Variants in PIR observed in about 807,000 individuals in gnomAD.
The protein encoded by PIR is pirin (iron-binding nuclear protein).
A neutral mutation model predicts 24.2 loss-of-function variants in PIR; 22 were observed. The ratio of observed to expected loss-of-function variants is 0.91; its 90% CI spans 0.65 to 1.30. The LOEUF (loss-of-function observed/expected upper bound fraction) is 1.30, where lower values mean the gene tolerates loss of function less well. Among genes scored for constraint, PIR ranks in the 50% most tolerant of loss-of-function variants. The probability of loss-of-function intolerance (pLI) is 0.00; values close to 1 mark genes in which losing one functional copy is unlikely to be tolerated. For synonymous variants in PIR, 80 were observed against 79.6 expected (o/e 1.00, Z -0.03); for missense variants, 220 against 220.3 (o/e 1.00, Z 0.01).
intron 8 of PIR, among the ~76,000 whole-genome samples, chrX:15,393,310 T>C (rs1346361208): frequency 8.9e-6 from 1 of 112,328 alleles, no homozygotes; most frequent in African/African-American, 3.2e-5. Flanking sequence ...ATACCAACAA[T>C]AAATGATCAA....
At chrX:15,462,621 T>C (rs1286895856) in intron 3 of PIR, among the ~76,000 whole-genome samples, 16 of 112,503 alleles carry the variant, frequency 1.4e-4, no homozygotes, top group Non-Finnish European at 5.6e-5. Flanking sequence ...TTTTGTCGTC[T>C]ATGTTTTTGC....
At chrX:15,413,860 A>G (rs1479977317) in intron 6 of PIR, among the ~76,000 whole-genome samples, 3 of 112,107 alleles carry the variant, frequency 2.7e-5, no homozygotes. Context: ...CCATGGGCAT[A>G]TAACATTAAG....
intron 5 of PIR, among the ~76,000 whole-genome samples, chrX:15,426,767 G>A (rs1168368956): frequency 1.8e-5 from 2 of 112,141 alleles, no homozygotes; most frequent in Non-Finnish European, 3.8e-5. Flanking sequence ...TGTAGTAACT[G>A]TAATTTTCAT....
chrX:15,465,024 AT>A lies in PIR; in HGVS notation c.190-5285del, dbSNP rs112410159. Reference sequence around the variant, plus strand: ...ATGAAAAATCTAAGTGGACATCAAGATTTTTTTTTCCAAATTTGATTTTAGG... The same window carrying A: ...ATGAAAAATCTAAGTGGACATCAAGATTTTTTTTCCAAATTTGATTTTAGG... On this transcript the variant is annotated intron_variant, in intron 3 of 9. Transcript: ENST00000380420. Among the ~76,000 whole-genome samples the A allele has an allele frequency of 6.7e-3, 740 of 110,028 alleles. 8 individuals carry two copies. Among genetic ancestry groups the A allele is most frequent in the African/African-American group, 0.023 (688 of 29,578 alleles).
intron 7 of PIR, among the ~76,000 whole-genome samples, chrX:15,405,137 T>G (rs1924515759): frequency 8.9e-6 from 1 of 111,782 alleles, no homozygotes; most frequent in Admixed American, 9.5e-5. Context: ...AGGCTCTAAC[T>G]ACTGCTTAAA....
At chrX:15,439,610 GGAAAA>G (rs1483845220) in intron 5 of PIR, among the ~76,000 whole-genome samples, 1 of 111,503 alleles carries the variant, frequency 9.0e-6, no homozygotes, top group African/African-American at 3.3e-5. Context: ...AGGGAATGTG[GGAAAA>G]GAAAAGATAG....
In PIR at chrX:15,386,760, GA is replaced by G. The variant is rs780141292; in HGVS notation, c.761-1645del. On this transcript the variant is annotated intron_variant, in intron 9 of 9. Transcript: ENST00000380420. Reference sequence around the variant, plus strand: ...GTGGTGGAAGGAGGGATCAAAGGCGGAAAAAATGGCGATCTGAAATATAGGA... The same window carrying G: ...GTGGTGGAAGGAGGGATCAAAGGCGGAAAAATGGCGATCTGAAATATAGGA... Among the ~76,000 whole-genome samples the G allele has an allele frequency of 3.6e-5, 4 of 110,646 alleles. No homozygotes were observed. The East Asian group carries it at 1.1e-3, about 32-fold the overall frequency.
At chrX:15,437,038 C>T (rs1019865093) in intron 5 of PIR, among the ~76,000 whole-genome samples, 5 of 111,871 alleles carry the variant, frequency 4.5e-5, no homozygotes, top group African/African-American at 1.6e-4. Context: ...AAGGCATTCC[C>T]TAACTGGAGA....
At chrX:15,412,941 A>G (rs1388850668) in intron 6 of PIR, among the ~76,000 whole-genome samples, 1 of 111,998 alleles carries the variant, frequency 8.9e-6, no homozygotes, top group Non-Finnish European at 1.9e-5. Context: ...TCATCTCTTC[A>G]AGCCTCTTTG....
intron 5 of PIR, among the ~76,000 whole-genome samples, chrX:15,441,405 T>G (rs2147047077): frequency 9.0e-6 from 1 of 111,672 alleles, no homozygotes; most frequent in East Asian, 2.8e-4. Context: ...GGTGTGAATT[T>G]AACAAAAAAC....
chrX:15,442,522 C>G (rs1261483633), intron 5 of PIR, among the ~76,000 whole-genome samples: 2 of 111,820 alleles, frequency 1.8e-5, no homozygotes, highest in Admixed American at 1.9e-4. Context: ...GTGAGGAAGG[C>G]ATGTCAAAAG....
chrX:15,401,599 TA>T (rs1473488190), intron 7 of PIR, among the ~76,000 whole-genome samples: 2 of 111,948 alleles, frequency 1.8e-5, no homozygotes, highest in Non-Finnish European at 3.8e-5. Flanking sequence ...CTTTCAATGA[TA>T]AATAGAGCCA....
In PIR at chrX:15,479,805, G is replaced by T; in HGVS notation, c.113C>A (p.Pro38Gln). The T allele has an allele frequency of 1.7e-6, 2 of 1,151,497 alleles. No homozygotes were observed. The highest frequency in any genetic ancestry group is 3.0e-5 in the East Asian group (1 of 33,085). The allele number at this position is 1,151,497 out of a possible 1,213,427, so 94.9% of individuals were successfully genotyped here. ...IGRPELKNLD[P>Q]FLLFDEFKGG... ...TTTAAATTCATCAAACAGTAAAAAC[G>T]GATCCAGATTTTTTAACTGAAATAA... The change falls in exon 3 of 10, where the codon CCG becomes CAG. Residue 38 changes from proline to glutamine, a missense_variant. Physicochemically the swap from Pro to Gln is moderately conservative, Grantham distance 76. Transcript: ENST00000380420.
intron 6 of PIR, among the ~76,000 whole-genome samples, chrX:15,416,332 T>C (rs1319908394): frequency 8.9e-6 from 1 of 112,145 alleles, no homozygotes; most frequent in Non-Finnish European, 1.9e-5. Flanking sequence ...TGTAAAATTC[T>C]ACATGAATCA....
intron 6 of PIR, among the ~76,000 whole-genome samples, chrX:15,411,410 C>T (rs772792862): frequency 2.7e-5 from 3 of 111,864 alleles, no homozygotes; most frequent in African/African-American, 9.7e-5. Flanking sequence ...CTTTCCTCAG[C>T]CTACATTCCT....
chrX:15,426,329 T>C (rs907485501), intron 5 of PIR, among the ~76,000 whole-genome samples: 8 of 112,026 alleles, frequency 7.1e-5, no homozygotes, highest in African/African-American at 2.6e-4. Context: ...ATATGGCAGG[T>C]TATCTCACAA....
At chrX:15,469,289 A>G (rs1451975409) in intron 3 of PIR, among the ~76,000 whole-genome samples, 1 of 112,041 alleles carries the variant, frequency 8.9e-6, no homozygotes, top group Non-Finnish European at 1.9e-5. Flanking sequence ...ATTTATCTCT[A>G]GGAAAAGGCC....
chrX:15,435,245 GAAA>G (rs1322781632), intron 5 of PIR, among the ~76,000 whole-genome samples: 1 of 98,835 alleles, frequency 1.0e-5, no homozygotes, highest in East Asian at 4.0e-4. Flanking sequence ...AAAGAAGAAA[GAAA>G]GAAAGAAAAG....
chrX:15,431,688 C>G (rs1397976923), intron 5 of PIR, among the ~76,000 whole-genome samples: 1 of 97,854 alleles, frequency 1.0e-5, no homozygotes, highest in Non-Finnish European at 2.0e-5. Flanking sequence ...CCCCGAAAAC[C>G]TTTGGAAAAT....
Sources: gnomAD v4.1 joint callset for allele counts (sites outside exome capture counted in the v4.1 genomes callset) on GRCh38, gnomAD v4.1.1 for gene constraint, MANE v1.5 for transcripts, NCBI Gene and HGNC (gene_info 2026-07-23, HGNC 2026-07-21) for gene names.